ALK: variants seen among roughly 807,000 people sequenced by gnomAD.
The protein encoded by ALK is ALK receptor tyrosine kinase.
Under a neutral mutation model 163.1 loss-of-function variants are expected in ALK, and 74 were observed. The ratio of observed to expected loss-of-function variants is 0.45; its 90% confidence interval spans 0.38 to 0.55. The LOEUF (loss-of-function observed/expected upper bound fraction) is 0.55, where lower values mean the gene tolerates loss of function less well. Ranked by LOEUF, ALK falls within the 20% of genes least tolerant of loss-of-function variation. ALK has a pLI of 0.00. For synonymous variants in ALK, 960 were observed against 843.2 expected, an observed-to-expected ratio of 1.14 and a Z score of -2.40; for missense variants, 2,063 against 2,105.3, an observed-to-expected ratio of 0.98 and a Z score of 0.39.
intron 1 of ALK, among the ~76,000 whole-genome samples, chr2:29,731,147 A>G (rs1343498117): frequency 6.6e-6 from 1 of 152,186 alleles, no homozygotes; most frequent in Non-Finnish European, 1.5e-5. Context: ...AAGGGGTAAA[A>G]CTTGGCTCCT....
intron 5 of ALK, among the ~76,000 whole-genome samples, chr2:29,365,043 A>G (rs1384030802): frequency 3.3e-5 from 5 of 152,180 alleles, no homozygotes; most frequent in African/African-American, 1.2e-4. Flanking sequence ...GAGAAATACC[A>G]ATGCTCAGAG....
Position 29,469,520 on chromosome 2 carries a change from G to A in ALK, c.1154+62395C>T, listed in dbSNP as rs116156522. ...CCCAGCATCTTTTCACAGGCATGCT[G>A]CACCTCTGTGGTCATGAAATCTCTC... On this transcript the variant is annotated intron_variant, in intron 4 of 28. Coordinates refer to ENST00000389048, the MANE Select transcript of ALK (RefSeq NM_004304.5). Among the ~76,000 whole-genome samples the A allele has an allele frequency of 6.0e-3, 907 of 152,242 alleles. 9 individuals carry two copies. Among genetic ancestry groups the A allele is most frequent in the African/African-American group, 0.02 (812 of 41,536 alleles).
rs546719419 is a variant in ALK, at chr2:29,593,820, T to C, written c.953-61704A>G. Among the ~76,000 whole-genome samples the C allele has an allele frequency of 2.6e-5, 4 of 152,358 alleles. No homozygotes were observed. The South Asian group carries it at 6.2e-4, about 24-fold the overall frequency. On this transcript the variant is annotated intron_variant, in intron 3 of 28. Transcript: ENST00000389048. Reference sequence around the variant, plus strand: ...TGTATTCTTAGGACAAGCTTCTCTATAGTCAATGCTGTGAGTGTTGAGCTG... The same window carrying C: ...TGTATTCTTAGGACAAGCTTCTCTACAGTCAATGCTGTGAGTGTTGAGCTG...
At position 29,438,221 on chromosome 2, in the gene ALK, A is replaced by C. The variant is rs191965750; in HGVS notation, c.1155-54362T>G. 1.4e-4 allele frequency among the ~76,000 whole-genome samples: 22 copies of C among 152,362 alleles called. No homozygotes were observed. In the East Asian group the frequency reaches 4.2e-3, roughly 29 times the overall value. On this transcript the variant is annotated intron_variant, in intron 4 of 28. Coordinates refer to ENST00000389048, the MANE Select transcript of ALK (RefSeq NM_004304.5). ...GAAGACCTGCAGGTATTATCATATTAATACTCATTTTCCAGATTAGGAAAC... is the reference window on the plus strand; with the variant it reads ...GAAGACCTGCAGGTATTATCATATTCATACTCATTTTCCAGATTAGGAAAC...
At chr2:29,800,970 C>T (rs546657147) in intron 1 of ALK, among the ~76,000 whole-genome samples, 1 of 152,152 alleles carries the variant, frequency 6.6e-6, no homozygotes, top group African/African-American at 2.4e-5. Flanking sequence ...CCTCCCCTCT[C>T]TCACCCAAAT....
At chr2:29,816,711 C>T (rs529621035) in intron 1 of ALK, among the ~76,000 whole-genome samples, 30 of 152,288 alleles carry the variant, frequency 2.0e-4, no homozygotes, top group East Asian at 1.2e-3. Context: ...CCTGGCTCTG[C>T]GACCTTGAGC....
chr2:29,274,603 G>A (rs1665479458), intron 11 of ALK, among the ~76,000 whole-genome samples: 1 of 152,232 alleles, frequency 6.6e-6, no homozygotes, highest in African/African-American at 2.4e-5. Flanking sequence ...CTTGGCTTGG[G>A]GTATGCTGAA....
intron 3 of ALK, among the ~76,000 whole-genome samples, chr2:29,662,539 C>A (rs566745354): frequency 3.4e-4 from 51 of 152,154 alleles, no homozygotes; most frequent in African/African-American, 1.1e-3. Context: ...AGGAGAGGTG[C>A]AATAAATACA....
At chr2:29,781,631 G>A (rs891792659) in intron 1 of ALK, among the ~76,000 whole-genome samples, 4 of 152,218 alleles carry the variant, frequency 2.6e-5, no homozygotes, top group African/African-American at 4.8e-5. Flanking sequence ...GGTGATGAAC[G>A]GTACTGAGGT....
chr2:29,311,895 T>G (rs1666707784), intron 8 of ALK, among the ~76,000 whole-genome samples: 1 of 152,100 alleles, frequency 6.6e-6, no homozygotes, highest in Non-Finnish European at 1.5e-5. Context: ...GATGGGGCAG[T>G]GGAGCAAAGG....
At chr2:29,645,474 A>T (rs2148249259) in intron 3 of ALK, among the ~76,000 whole-genome samples, 1 of 152,248 alleles carries the variant, frequency 6.6e-6, no homozygotes, top group East Asian at 1.9e-4. Flanking sequence ...TCATGGTATC[A>T]TTTTCATGAA....
At chr2:29,535,385 C>A (rs1238480728) in intron 3 of ALK, among the ~76,000 whole-genome samples, 1 of 152,216 alleles carries the variant, frequency 6.6e-6, no homozygotes, top group Non-Finnish European at 1.5e-5. Context: ...CAGCAGGGCT[C>A]ACATTATGGG....
At chr2:29,407,684 C>T (rs1302170947) in intron 4 of ALK, among the ~76,000 whole-genome samples, 1 of 152,190 alleles carries the variant, frequency 6.6e-6, no homozygotes, top group Non-Finnish European at 1.5e-5. Context: ...ATTCAGTTCT[C>T]ACATGCTGTG....
At chr2:29,738,101 T>G (rs1679945374) in intron 1 of ALK, among the ~76,000 whole-genome samples, 1 of 152,004 alleles carries the variant, frequency 6.6e-6, no homozygotes, top group Admixed American at 6.5e-5. Context: ...GCTTTTCATG[T>G]GCCTCAGGTC....
intron 5 of ALK, among the ~76,000 whole-genome samples, chr2:29,382,729 T>A (rs1668930351): frequency 6.6e-6 from 1 of 152,240 alleles, no homozygotes. Flanking sequence ...CCAAGCCACA[T>A]GTTTCTTATA....
At chr2:29,698,189 G>T (rs562591579) in intron 2 of ALK, among the ~76,000 whole-genome samples, 35 of 152,294 alleles carry the variant, frequency 2.3e-4, no homozygotes, top group African/African-American at 8.2e-4. Flanking sequence ...TACAGTTGGT[G>T]TCCAGGAACC....
At chr2:29,690,126 T>A (rs1452253015) in intron 3 of ALK, among the ~76,000 whole-genome samples, 2 of 152,176 alleles carry the variant, frequency 1.3e-5, no homozygotes, top group African/African-American at 4.8e-5. Context: ...CATCAAAAAT[T>A]TGAATGACCC....
At chr2:29,419,371 A>G (rs1009974576) in intron 4 of ALK, among the ~76,000 whole-genome samples, 2 of 151,502 alleles carry the variant, frequency 1.3e-5, no homozygotes, top group African/African-American at 4.9e-5. Flanking sequence ...TCATTTCCCC[A>G]TGTGCTTATA....
intron 3 of ALK, among the ~76,000 whole-genome samples, chr2:29,646,706 G>T (rs536829403): frequency 2.6e-5 from 4 of 151,996 alleles, no homozygotes; most frequent in Non-Finnish European, 4.4e-5. Context: ...GTCGGCCCTC[G>T]CAAGATGGCT....
Sources: gnomAD v4.1 joint callset for allele counts (sites outside exome capture counted in the v4.1 genomes callset) on GRCh38, gnomAD v4.1.1 for gene constraint, MANE v1.5 for transcripts, NCBI Gene and HGNC (gene_info 2026-07-23, HGNC 2026-07-21) for gene names.